ZMYND8: variants seen among roughly 807,000 people sequenced by gnomAD.
ZMYND8 encodes zinc finger MYND-type containing 8.
ZMYND8 carries 37 observed loss-of-function variants against 140.8 expected under a neutral mutation model. The ratio of observed to expected loss-of-function variants is 0.26; its 90% CI spans 0.20 to 0.35. The LOEUF (loss-of-function observed/expected upper bound fraction) is 0.35. ZMYND8 is among the 10% of genes least tolerant of loss of function. The pLI is 1.00. For synonymous variants in ZMYND8, 592 were observed against 597.1 expected (o/e 0.99, Z 0.12); for missense variants, 1,068 against 1,570.0 (o/e 0.68, Z 5.40).
intron 3 of ZMYND8, among the ~76,000 whole-genome samples, chr20:47,307,105 T>A (rs974267097): frequency 2.6e-5 from 4 of 151,796 alleles, no homozygotes; most frequent in African/African-American, 9.7e-5. Flanking sequence ...CCCTGAGAGG[T>A]GATCAGGGCC....
intron 5 of ZMYND8, among the ~76,000 whole-genome samples, chr20:47,293,854 A>T (rs2077458877): frequency 6.6e-6 from 1 of 152,156 alleles, no homozygotes. Context: ...AGGTGACTGG[A>T]TTATGGGGGT....
In ZMYND8 at chr20:47,298,492, T is replaced by C. The variant is rs2077790632; in HGVS notation, c.453+237A>G. The stretch of plus-strand genomic sequence containing the variant: ...ATGACGACTACAGATCTCCAAGGAA[T>C]CCAAGGACTCATGAGAAATCAGAAA... On this transcript the variant is annotated intron_variant, in intron 4 of 22. Coordinates refer to ENST00000471951, the MANE Select transcript of ZMYND8 (RefSeq NM_001281775.3). The surrounding 1 kb of genome is among the most constrained non-coding windows in gnomAD (Gnocchi z 5.0). 1 of 985,292 alleles carries C rather than the reference T, an allele frequency of 1.0e-6. No homozygotes were observed. The allele number at this position is 985,292 out of a possible 1,614,324, so 61.0% of individuals were successfully genotyped here.
At chr20:47,337,082 T>C (rs1329456470) in intron 2 of ZMYND8, among the ~76,000 whole-genome samples, 2 of 150,852 alleles carry the variant, frequency 1.3e-5, no homozygotes, top group African/African-American at 4.9e-5. Context: ...CCAGGCACGG[T>C]GGCTCACGCC....
chr20:47,285,402 A>G (rs2076859467), intron 8 of ZMYND8, among the ~76,000 whole-genome samples: 1 of 152,236 alleles, frequency 6.6e-6, no homozygotes, highest in South Asian at 2.1e-4. Flanking sequence ...TCCTGCTTCT[A>G]AGCCCACTCT....
intron 2 of ZMYND8, among the ~76,000 whole-genome samples, chr20:47,339,902 G>T (rs1602080261): frequency 2.6e-5 from 4 of 151,994 alleles, no homozygotes; most frequent in Admixed American, 2.6e-4. Flanking sequence ...AGCTAGAAAG[G>T]GGGCAAGACA....
intron 8 of ZMYND8, among the ~76,000 whole-genome samples, chr20:47,285,014 A>C (rs2076832987): frequency 6.6e-6 from 1 of 152,212 alleles, no homozygotes; most frequent in Non-Finnish European, 1.5e-5. Flanking sequence ...CATTTACTGA[A>C]GACTTAGAGT....
At position 47,355,524 on chromosome 20, in the gene ZMYND8, G is replaced by A; in HGVS notation, c.14+1133C>T. 3.0e-6 allele frequency: 3 copies of A among 985,294 alleles called. No homozygotes were observed. The African/African-American group carries it at 5.2e-5, about 17-fold the overall frequency. The allele number at this position is 985,294 out of a possible 1,614,324, so 61.0% of individuals were successfully genotyped here. A position where few individuals can be genotyped will look rare whatever the true frequency, so the allele number is the denominator to read the frequency against. ...GAACAGGCTGGCAGATTTGGGACTT[G>A]ATCAAAAAGGAAATTTTTTTAAACA... On this transcript the variant is annotated intron_variant, in intron 1 of 22. Transcript: ENST00000471951.
chr20:47,219,515 G>A (rs2036624290), intron 21 of ZMYND8, among the ~76,000 whole-genome samples: 1 of 133,950 alleles, frequency 7.5e-6, no homozygotes, highest in Non-Finnish European at 1.6e-5. Context: ...GACAGGGCAA[G>A]ACTGTCTCAA....
Position 47,294,770 on chromosome 20 carries a change from C to T in ZMYND8, c.463G>A (p.Val155Ile). ...CTCTGGGTCTCGATGCATTCTGCTA[C>T]TGTAATTTTCTACAAAGTCAAAGTC... is the stretch of plus-strand genomic sequence containing the variant. ...WFCPECEKIT[V>I]AECIETQSKA... is the part of the protein sequence containing the mutation. The change falls in exon 5 of 23, where the codon GTA becomes ATA. Residue 155 changes from valine (V) to isoleucine (I), a missense_variant. Val to Ile is a conservative substitution (Grantham distance 29). Coordinates refer to ENST00000471951, the MANE Select transcript of ZMYND8 (RefSeq NM_001281775.3). 6.2e-7 allele frequency: 1 copy of T among 1,614,000 alleles called. No individual in the cohort carries two copies.
At chr20:47,229,913 G>T in intron 16 of ZMYND8, 107 bp from the exon 17 acceptor site, 1 of 996,334 alleles carries the variant, frequency 1.0e-6, no homozygotes. Flanking sequence ...TCAACTTAGG[G>T]CAATTTTGTC....
intron 17 of ZMYND8, 125 bp from the exon 18 acceptor site, chr20:47,227,406 TC>T: frequency 1.2e-6 from 1 of 866,374 alleles, no homozygotes; most frequent in South Asian, 1.5e-5. Context: ...ACAGCTATAG[TC>T]CAGAGAGGTG....
intron 10 of ZMYND8, among the ~76,000 whole-genome samples, chr20:47,280,962 C>T (rs1285324956): frequency 6.6e-6 from 1 of 152,186 alleles, no homozygotes; most frequent in African/African-American, 2.4e-5. Context: ...CCACTACCTC[C>T]TGACCTGAGA....
chr20:47,299,096 A>G, intron 3 of ZMYND8, 149 bp from the exon 4 acceptor site: 1 of 722,048 alleles, frequency 1.4e-6, no homozygotes, highest in Non-Finnish European at 2.3e-6. Context: ...TTACTCTACT[A>G]AATATATAAT....
intron 12 of ZMYND8, among the ~76,000 whole-genome samples, chr20:47,253,957 C>T (rs756459624): frequency 2.0e-5 from 3 of 152,230 alleles, no homozygotes; most frequent in Non-Finnish European, 2.9e-5. Context: ...TGGCTAGGGG[C>T]TGGGCCCAGG....
intron 1 of ZMYND8, chr20:47,352,335 T>C: frequency 1.9e-6 from 1 of 537,428 alleles, no homozygotes; most frequent in South Asian, 8.1e-5. Context: ...ATAAAAAGGC[T>C]GTTTATAAGC....
At chr20:47,280,901 G>A (rs1035935679) in intron 10 of ZMYND8, among the ~76,000 whole-genome samples, 23 of 151,654 alleles carry the variant, frequency 1.5e-4, no homozygotes, top group Non-Finnish European at 2.9e-4. Flanking sequence ...TTCCCCTCCC[G>A]ACCTCTGCTC....
chr20:47,263,001 T>C (rs1367627317), intron 11 of ZMYND8, among the ~76,000 whole-genome samples: 1 of 152,230 alleles, frequency 6.6e-6, no homozygotes, highest in African/African-American at 2.4e-5. Context: ...CCTTCTTTAC[T>C]GTATTTCAAA....
chr20:47,268,496 T>C (rs947223202), intron 11 of ZMYND8, among the ~76,000 whole-genome samples: 1 of 151,366 alleles, frequency 6.6e-6, no homozygotes, highest in Admixed American at 6.6e-5. Context: ...TGTTTCACCA[T>C]GTTAGCCAGG....
Position 47,210,589 on chromosome 20 carries a change from T to C in ZMYND8, c.*172A>G. The C allele has an allele frequency of 1.1e-6, 1 of 912,394 alleles. No homozygotes were observed. Among genetic ancestry groups the C allele is most frequent in the Non-Finnish European group, 1.7e-6 (1 of 583,562 alleles). The allele number at this position is 912,394 out of a possible 1,614,324, so 56.5% of individuals were successfully genotyped here. On this transcript the variant is annotated 3_prime_UTR_variant, in exon 23 of 23. Coordinates refer to ENST00000471951, the MANE Select transcript of ZMYND8 (RefSeq NM_001281775.3). ...GTGAACAGTCTGCAGTCAAAGCCGATGCTGGGTGTCCTGTAGTGTAGCAGC... is the reference window on the plus strand; with the variant it reads ...GTGAACAGTCTGCAGTCAAAGCCGACGCTGGGTGTCCTGTAGTGTAGCAGC...
Sources: allele counts gnomAD v4.1 joint callset (sites outside exome capture counted in the v4.1 genomes callset), GRCh38; gene constraint gnomAD v4.1.1; non-coding constraint Gnocchi (gnomAD v3.1); transcripts MANE v1.5; gene names NCBI Gene and HGNC (gene_info 2026-07-23, HGNC 2026-07-21).